Variants in LARP1B observed in about 807,000 individuals in gnomAD.
LARP1B encodes the protein la-related protein 1B.
LARP1B carries 76 observed loss-of-function variants against 114.2 expected under a neutral mutation model. The ratio of observed to expected loss-of-function variants is 0.67; its 90% CI spans 0.55 to 0.81. The LOEUF (loss-of-function observed/expected upper bound fraction) is 0.81, where lower values mean the gene tolerates loss of function less well. Among genes scored for constraint, LARP1B ranks in the 30% least tolerant of loss-of-function variants. The pLI, the probability that LARP1B is intolerant of heterozygous loss-of-function variation, is 0.00. For missense variants in LARP1B, 1,014 were observed against 1,075.8 expected (o/e 0.94, Z 0.80); for synonymous variants, 345 against 348.0 (o/e 0.99, Z 0.10).
At chr4:128,131,439 T>A (rs1245023074) in intron 11 of LARP1B, among the ~76,000 whole-genome samples, 1 of 152,230 alleles carries the variant, frequency 6.6e-6, no homozygotes, top group Non-Finnish European at 1.5e-5. Flanking sequence ...TGAAAAATAT[T>A]TGTAATATGC....
chr4:128,185,512 T>G (rs567205583), intron 15 of LARP1B, among the ~76,000 whole-genome samples: 1 of 146,518 alleles, frequency 6.8e-6, no homozygotes, highest in Non-Finnish European at 1.5e-5. Flanking sequence ...TTTGTCAGTT[T>G]TAAAATGGGA....
At chr4:128,136,481 TTC>T (rs1397282333) in intron 11 of LARP1B, among the ~76,000 whole-genome samples, 1 of 152,138 alleles carries the variant, frequency 6.6e-6, no homozygotes, top group Non-Finnish European at 1.5e-5. Context: ...TAACTTCAAA[TTC>T]AATGTATTTA....
intron 12 of LARP1B, among the ~76,000 whole-genome samples, chr4:128,173,955 A>T (rs904831779): frequency 6.6e-6 from 1 of 152,196 alleles, no homozygotes; most frequent in African/African-American, 2.4e-5. Flanking sequence ...GCAACTAGTT[A>T]TCTTTCTTTC....
chr4:128,214,037 G>A (rs961947525), downstream of LARP1B, among the ~76,000 whole-genome samples: 5 of 150,722 alleles, frequency 3.3e-5, no homozygotes, highest in Middle Eastern at 3.5e-3. Flanking sequence ...AAAGAAAGGG[G>A]TGACGGACGC....
chr4:128,179,656 AGAGAT>A (rs1329645986), intron 15 of LARP1B, 144 bp downstream of exon 15: 3 of 497,900 alleles, frequency 6.0e-6, no homozygotes, highest in East Asian at 3.5e-5. Context: ...AAGCCAAAGA[AGAGAT>A]AAGTTTTACA....
intron 5 of LARP1B, among the ~76,000 whole-genome samples, chr4:128,088,080 T>G (rs532379868): frequency 6.6e-6 from 1 of 152,120 alleles, no homozygotes; most frequent in African/African-American, 2.4e-5. Flanking sequence ...TAGTCCCAGC[T>G]ACTTGGTAGG....
At chr4:128,161,782 G>A (rs780158664) in intron 11 of LARP1B, among the ~76,000 whole-genome samples, 5 of 151,854 alleles carry the variant, frequency 3.3e-5, no homozygotes, top group Non-Finnish European at 5.9e-5. Flanking sequence ...CACCAATATC[G>A]CTCTTCACAT....
chr4:128,175,425 A>G (rs986423400), intron 12 of LARP1B, among the ~76,000 whole-genome samples: 1 of 152,132 alleles, frequency 6.6e-6, no homozygotes, highest in African/African-American at 2.4e-5. Context: ...GCAGCTATTG[A>G]TGAATATTCC....
intron 17 of LARP1B, among the ~76,000 whole-genome samples, chr4:128,205,497 TC>T (rs990593501): frequency 2.6e-5 from 4 of 152,224 alleles, no homozygotes; most frequent in African/African-American, 7.2e-5. Context: ...TCCTAGATTC[TC>T]AAGATAGTTA....
intron 9 of LARP1B, chr4:128,107,597 TATAG>T: frequency 7.3e-7 from 1 of 1,377,292 alleles, no homozygotes; most frequent in Non-Finnish European, 9.4e-7. Context: ...ACTAAATAAC[TATAG>T]ATATGTATCG....
At chr4:128,062,025 C>T (rs1760329509) in intron 1 of LARP1B, 2 of 985,146 alleles carry the variant, frequency 2.0e-6, no homozygotes, top group Non-Finnish European at 2.4e-6. Flanking sequence ...CCGCCGCCGC[C>T]GTCGCCGTTG....
In LARP1B at chr4:128,122,106, C is replaced by G; in HGVS notation, c.1442C>G (p.Ala481Gly). ...MSRAKITSEL[A>G]KVINDGLYYY... is the part of the protein sequence containing the mutation. Reference sequence around the variant, plus strand: ...CGGGCAAAAATCACATCTGAACTTGCTAAAGTTATCAATGATGGCTTATAC... The same window carrying G: ...CGGGCAAAAATCACATCTGAACTTGGTAAAGTTATCAATGATGGCTTATAC... Residue 481 changes from alanine to glycine, a missense_variant, in exon 11 of 20, where the codon GCT (alanine) becomes GGT (glycine). Physicochemically the swap from Ala to Gly is moderately conservative, Grantham distance 60 (BLOSUM62 0). Coordinates refer to ENST00000326639, the MANE Select transcript of LARP1B (RefSeq NM_018078.4). The G allele has an allele frequency of 6.2e-7, 1 of 1,613,980 alleles. No individual in the cohort carries two copies. Among genetic ancestry groups the G allele is most frequent in the East Asian group, 2.2e-5 (1 of 44,858 alleles).
chr4:128,104,666 G>C (rs1458714428), intron 8 of LARP1B, among the ~76,000 whole-genome samples: 2 of 151,636 alleles, frequency 1.3e-5, no homozygotes, highest in Non-Finnish European at 2.9e-5. Flanking sequence ...GGCTGGTCTT[G>C]AACTCCTGAT....
At chr4:128,179,380 G>T in intron 14 of LARP1B, 26 bp from the exon 15 acceptor site, 1 of 1,442,126 alleles carries the variant, frequency 6.9e-7, no homozygotes. Flanking sequence ...GAAACTAATT[G>T]CAATGCTTGA....
chr4:128,061,227 T>A (rs1759981929), upstream of LARP1B: 1 of 151,860 alleles, frequency 6.6e-6, no homozygotes, highest in Admixed American at 6.6e-5. Flanking sequence ...AAGGACCCGG[T>A]GAGTAGCCAC....
intron 9 of LARP1B, among the ~76,000 whole-genome samples, chr4:128,109,705 T>G (rs903929974): frequency 1.3e-5 from 2 of 152,032 alleles, no homozygotes; most frequent in Non-Finnish European, 2.9e-5. Flanking sequence ...GTGTTTTTCT[T>G]TCTTTTCTTT....
chr4:128,061,783 G>T (rs1006032577), intron 1 of LARP1B: 1 of 984,908 alleles, frequency 1.0e-6, no homozygotes, highest in Non-Finnish European at 1.2e-6. Flanking sequence ...TGGCCGCGGC[G>T]AACCGGCCGG....
intron 12 of LARP1B, among the ~76,000 whole-genome samples, chr4:128,171,216 ACTG>A (rs1743549448): frequency 6.6e-6 from 1 of 151,676 alleles, no homozygotes; most frequent in South Asian, 2.1e-4. Flanking sequence ...GCAGCCTCAT[ACTG>A]CTGGGTTCAA....
In LARP1B at chr4:128,126,823, A is replaced by T. The variant is rs866891016; in HGVS notation, c.1524+4635A>T. 3.1e-3 allele frequency among the ~76,000 whole-genome samples: 466 copies of T among 149,172 alleles called. 4 individuals carry two copies. The highest frequency in any genetic ancestry group is 2.8e-3 in the Admixed American group (42 of 14,876). ...TTTTATTTGTTTTTGTTTTTTTTTT[A>T]AAAAAAGGTAAGCAAGAAACTTGGA... On this transcript the variant is annotated intron_variant, in intron 11 of 19. Coordinates refer to ENST00000326639, the MANE Select transcript of LARP1B (RefSeq NM_018078.4).
Sources: gnomAD v4.1 joint callset for allele counts (sites outside exome capture counted in the v4.1 genomes callset) on GRCh38, gnomAD v4.1.1 for gene constraint, MANE v1.5 for transcripts, NCBI Gene and HGNC (gene_info 2026-07-23, HGNC 2026-07-21) for gene names.